TLCD4: variants seen among roughly 807,000 people sequenced by gnomAD.
TLCD4 encodes the protein TLC domain-containing protein 4.
A neutral mutation model predicts 24.2 loss-of-function variants in TLCD4; 7 were observed. The observed-to-expected ratio is 0.29, with a 90% CI of 0.16 to 0.54. TLCD4 has a LOEUF of 0.54. Among genes scored for constraint, TLCD4 ranks in the 20% least tolerant of loss-of-function variants. TLCD4 has a pLI of 0.95. For synonymous variants in TLCD4, 103 were observed against 106.4 expected (o/e 0.97, Z 0.20); for missense variants, 259 against 313.9 (o/e 0.82, Z 1.32).
chr1:95,115,538 T>C (rs934245779), upstream of TLCD4, among the ~76,000 whole-genome samples: 2 of 152,228 alleles, frequency 1.3e-5, no homozygotes, highest in Admixed American at 6.5e-5. Context: ...TCAACTACTA[T>C]TTACTGAATT....
Position 95,195,579 on chromosome 1 carries a change from A to G in TLCD4, c.*3711A>G, listed in dbSNP as rs1032368311. ...GGATTCCATAAGAAGTTGAACTTAG[A>G]TAATTTTATCAAGAGTAGCACAGTG... is the stretch of plus-strand genomic sequence containing the variant. On this transcript the variant is annotated 3_prime_UTR_variant, in exon 7 of 7. Coordinates refer to ENST00000370203, the MANE Select transcript of TLCD4 (RefSeq NM_152487.3). 1.2e-4 allele frequency: 19 copies of G among 152,188 alleles called. No individual in the cohort carries two copies. Among genetic ancestry groups the G allele is most frequent in the Non-Finnish European group, 4.4e-5 (3 of 68,028 alleles). 9.4% of individuals were successfully genotyped at this position (152,188 alleles called of 1,614,324 possible).
intron 5 of TLCD4, among the ~76,000 whole-genome samples, chr1:95,154,598 A>G (rs1300131219): frequency 1.3e-5 from 2 of 152,000 alleles, no homozygotes; most frequent in South Asian, 2.1e-4. Context: ...GATGGTCTCT[A>G]TCTTTGTAAC....
the TLCD4 span, among the ~76,000 whole-genome samples, chr1:95,100,911 T>C: frequency 2.8e-5 from 1 of 35,414 alleles, no homozygotes; most frequent in African/African-American, 5.7e-5. Context: ...GGTCTCCAAC[T>C]TTTTTTTTTT....
intron 1 of TLCD4, among the ~76,000 whole-genome samples, chr1:95,125,047 G>A (rs1156616966): frequency 6.6e-6 from 1 of 152,182 alleles, no homozygotes; most frequent in African/African-American, 2.4e-5. Flanking sequence ...TACCAGGTGG[G>A]TCAGCTTGAC....
rs1677831479 is a variant in TLCD4 at position 95,162,134 on chromosome 1, C to CT, written c.399+10716dup. 3.9e-5 allele frequency among the ~76,000 whole-genome samples: 6 copies of CT among 152,200 alleles called. No individual in the cohort carries two copies. The East Asian group carries it at 9.7e-4, about 25-fold the overall frequency. ...TCTCCCATTATTATTGTGTGGGAGT[C>CT]TAAGTCTCTTTGTAGGTCTCTAAGG... is the stretch of plus-strand genomic sequence containing the variant. On this transcript the variant is annotated intron_variant, in intron 5 of 6. Coordinates refer to ENST00000370203, the MANE Select transcript of TLCD4 (RefSeq NM_152487.3).
At position 95,143,929 on chromosome 1, in the gene TLCD4, A is replaced by G. The variant is rs765980509; in HGVS notation, c.28A>G (p.Ser10Gly). The change falls in exon 2 of 7, where the codon AGT (serine) becomes GGT (glycine). Residue 10 changes from serine (S) to glycine (G), a missense_variant. Physicochemically the swap from Ser to Gly is moderately conservative, Grantham distance 56. Coordinates refer to ENST00000370203, the MANE Select transcript of TLCD4 (RefSeq NM_152487.3). MEINTKLLISVTCISFFTFQ... is the reference protein window; with the variant it reads MEINTKLLIGVTCISFFTFQ... ...GGAGATCAACACAAAACTGCTCATC[A>G]GTGTTACCTGTATCAGCTTTTTCAC... 23 of 1,510,068 alleles carry G rather than the reference A, an allele frequency of 1.5e-5. No homozygotes were observed. The Admixed American group carries it at 2.0e-4, about 13-fold the overall frequency. 93.5% of individuals were successfully genotyped at this position (1,510,068 alleles called of 1,614,324 possible).
chr1:95,191,510 A>T, intron 6 of TLCD4, 40 bp from the exon 7 acceptor site: 1 of 1,565,182 alleles, frequency 6.4e-7, no homozygotes, highest in Non-Finnish European at 8.6e-7. Context: ...ATCCTCAGAG[A>T]TGCACTATAA....
At chr1:95,175,010 A>C (rs1287456966) in intron 6 of TLCD4, among the ~76,000 whole-genome samples, 2 of 152,152 alleles carry the variant, frequency 1.3e-5, no homozygotes, top group African/African-American at 4.8e-5. Context: ...TCCTGACCTC[A>C]ATTGATCCAC....
intron 6 of TLCD4, among the ~76,000 whole-genome samples, chr1:95,182,271 G>GT (rs536410589): frequency 4.0e-3 from 559 of 139,140 alleles, no homozygotes; most frequent in Non-Finnish European, 6.9e-3. Flanking sequence ...ATTGTTTTTT[G>GT]TTTTTTTTTT....
chr1:95,148,105 A>T, intron 2 of TLCD4, among the ~76,000 whole-genome samples: 1 of 152,324 alleles, frequency 6.6e-6, no homozygotes, highest in South Asian at 2.1e-4. Context: ...AATGATAAAG[A>T]GGGACTAATA....
intron 2 of TLCD4, among the ~76,000 whole-genome samples, chr1:95,146,257 T>G (rs2100940402): frequency 6.6e-6 from 1 of 152,246 alleles, no homozygotes; most frequent in Admixed American, 6.5e-5. Context: ...AATTGTTACT[T>G]TTTCTGAAAA....
At chr1:95,131,288 A>G (rs988318820) in intron 1 of TLCD4, among the ~76,000 whole-genome samples, 3 of 152,190 alleles carry the variant, frequency 2.0e-5, no homozygotes, top group African/African-American at 7.2e-5. Flanking sequence ...CAGCTGAAGA[A>G]CCATGGATGT....
intron 6 of TLCD4, among the ~76,000 whole-genome samples, chr1:95,179,387 A>C (rs1390147957): frequency 6.6e-6 from 1 of 152,232 alleles, no homozygotes; most frequent in Non-Finnish European, 1.5e-5. Context: ...TTTGTAAACA[A>C]AGTTATACTG....
intron 5 of TLCD4, among the ~76,000 whole-genome samples, chr1:95,158,597 G>A (rs571741828): frequency 1.3e-5 from 2 of 151,858 alleles, no homozygotes; most frequent in Non-Finnish European, 2.9e-5. Context: ...TCATGTTGGT[G>A]TGCTGCACCC....
At chr1:95,131,057 T>G (rs1676877399) in intron 1 of TLCD4, among the ~76,000 whole-genome samples, 1 of 152,200 alleles carries the variant, frequency 6.6e-6, no homozygotes, top group Admixed American at 6.5e-5. Context: ...TATAACTGTT[T>G]TATTTAACAT....
chr1:95,141,511 T>A (rs1557682493), intron 1 of TLCD4, among the ~76,000 whole-genome samples: 1 of 152,102 alleles, frequency 6.6e-6, no homozygotes, highest in Non-Finnish European at 1.5e-5. Flanking sequence ...CTGATTATAT[T>A]TTTTTTCCAA....
the TLCD4 span, among the ~76,000 whole-genome samples, chr1:95,106,346 T>G: frequency 2.2e-4 from 33 of 152,366 alleles, 1 homozygote; most frequent in African/African-American, 7.9e-4. Context: ...ATAATTTTCC[T>G]TATTGAAAAT....
At chr1:95,131,898 T>C (rs1219463201) in intron 1 of TLCD4, among the ~76,000 whole-genome samples, 2 of 152,204 alleles carry the variant, frequency 1.3e-5, no homozygotes, top group South Asian at 4.1e-4. Flanking sequence ...TGGGGGCAGA[T>C]CCCTCATGAG....
the TLCD4 span, among the ~76,000 whole-genome samples, chr1:95,105,159 T>C: frequency 6.6e-6 from 1 of 152,160 alleles, no homozygotes; most frequent in South Asian, 2.1e-4. Context: ...GTACCACATA[T>C]CACCAGCCTG....
Sources: allele counts gnomAD v4.1 joint callset (sites outside exome capture counted in the v4.1 genomes callset), GRCh38; gene constraint gnomAD v4.1.1; transcripts MANE v1.5; gene names NCBI Gene and HGNC (gene_info 2026-07-23, HGNC 2026-07-21).